YAP1: variants seen among roughly 807,000 people sequenced by gnomAD.
The protein encoded by YAP1 is transcriptional coactivator YAP1.
Under a neutral mutation model 56.9 loss-of-function variants are expected in YAP1, and 5 were observed. The observed-to-expected ratio is 0.09, with a 90% CI of 0.05 to 0.18. The LOEUF (loss-of-function observed/expected upper bound fraction) is 0.18, where lower values mean the gene tolerates loss of function less well. YAP1 is among the 10% of genes least tolerant of loss of function. The probability of loss-of-function intolerance (pLI) is 1.00; values close to 1 mark genes in which losing one functional copy is unlikely to be tolerated. For synonymous variants in YAP1, 265 were observed against 248.1 expected (o/e 1.07, Z -0.64); for missense variants, 539 against 651.8 (o/e 0.83, Z 1.88).
chr11:102,120,273 C>T lies in YAP1; in HGVS notation c.572+5879C>T, dbSNP rs1490849399. On this transcript the variant is annotated intron_variant, in intron 2 of 8. Coordinates refer to ENST00000282441, the MANE Select transcript of YAP1 (RefSeq NM_001130145.3). ...GCAAACAAAGAAGTTTGGTTTAAAT[C>T]ACAGCAGTCCTCCCCACCTCCCCTT... Among the ~76,000 whole-genome samples, 4 of 152,198 alleles carry T rather than the reference C, an allele frequency of 2.6e-5. No individual in the cohort carries two copies. In the East Asian group the frequency reaches 7.7e-4, roughly 29 times the overall value.
chr11:102,228,516 TC>T (rs1950305815), intron 8 of YAP1, among the ~76,000 whole-genome samples: 1 of 150,990 alleles, frequency 6.6e-6, no homozygotes, highest in Non-Finnish European at 1.5e-5. Context: ...GCACCTGTAA[TC>T]CCAGCTACTC....
chr11:102,192,886 C>T (rs1050442836), intron 4 of YAP1, among the ~76,000 whole-genome samples: 5 of 152,124 alleles, frequency 3.3e-5, no homozygotes, highest in African/African-American at 1.2e-4. Context: ...AAAGATAAGC[C>T]TTATCACATG....
intron 4 of YAP1, among the ~76,000 whole-genome samples, chr11:102,197,307 A>G (rs1442408273): frequency 6.6e-6 from 1 of 152,206 alleles, no homozygotes; most frequent in African/African-American, 2.4e-5. Context: ...TAATGTTTTA[A>G]TAGCTTAAGA....
intron 5 of YAP1, among the ~76,000 whole-genome samples, chr11:102,207,000 G>T (rs1164801880): frequency 1.3e-5 from 2 of 151,884 alleles, no homozygotes; most frequent in Admixed American, 1.3e-4. Context: ...AGGTACTGTT[G>T]GTTTTTATGT....
chr11:102,171,575 AAACTT>A (rs1373256080), intron 3 of YAP1, among the ~76,000 whole-genome samples: 1 of 152,202 alleles, frequency 6.6e-6, no homozygotes, highest in Non-Finnish European at 1.5e-5. Context: ...TTTAATAAAT[AAACTT>A]AGTAAACTAA....
intron 2 of YAP1, among the ~76,000 whole-genome samples, chr11:102,126,216 G>GT (rs1944027235): frequency 6.6e-6 from 1 of 152,154 alleles, no homozygotes; most frequent in Non-Finnish European, 1.5e-5. Flanking sequence ...ACTATAGGAA[G>GT]TTGCCAATTT....
intron 7 of YAP1, chr11:102,226,982 T>C (rs539834201): frequency 6.5e-6 from 1 of 154,106 alleles, no homozygotes; most frequent in Non-Finnish European, 1.4e-5. Flanking sequence ...TAGCTAGGAA[T>C]TTAACTTGAG....
At chr11:102,209,464 G>A in intron 5 of YAP1, 53 bp from the exon 6 acceptor site, 1 of 1,516,362 alleles carries the variant, frequency 6.6e-7, no homozygotes, top group South Asian at 1.2e-5. Context: ...AGCCTACACA[G>A]CCAGACCATG....
intron 6 of YAP1, 30 bp downstream of exon 6, chr11:102,209,594 GAAA>G (rs35731181): frequency 2.2e-3 from 2,936 of 1,306,932 alleles, no homozygotes; most frequent in South Asian, 4.9e-3. Flanking sequence ...TTTAGCACTG[GAAA>G]AAAAAAAAAA....
At chr11:102,172,475 CGTTTTTTTT>C (rs1390616047) in intron 3 of YAP1, among the ~76,000 whole-genome samples, 1 of 106,216 alleles carries the variant, frequency 9.4e-6, no homozygotes, top group Non-Finnish European at 1.9e-5. Flanking sequence ...CCATGCACAG[CGTTTTTTTT>C]TTTTTTTTTT....
intron 4 of YAP1, among the ~76,000 whole-genome samples, chr11:102,204,756 G>A (rs1430728467): frequency 6.6e-6 from 1 of 152,180 alleles, no homozygotes; most frequent in African/African-American, 2.4e-5. Context: ...AGATTGGCCT[G>A]TAATTTTCCT....
chr11:102,200,601 C>T (rs368203468), intron 4 of YAP1, among the ~76,000 whole-genome samples: 51 of 151,454 alleles, frequency 3.4e-4, no homozygotes, highest in East Asian at 2.5e-3. Flanking sequence ...CCTGCCACCA[C>T]GCCCAGCTAA....
At chr11:102,126,461 A>T (rs1944041282) in intron 2 of YAP1, among the ~76,000 whole-genome samples, 1 of 152,040 alleles carries the variant, frequency 6.6e-6, no homozygotes, top group Admixed American at 6.6e-5. Flanking sequence ...GTCTCATGAG[A>T]TCTAATGGGT....
intron 2 of YAP1, among the ~76,000 whole-genome samples, chr11:102,131,530 G>T (rs1452874205): frequency 6.6e-6 from 1 of 152,194 alleles, no homozygotes; most frequent in Admixed American, 6.5e-5. Flanking sequence ...TCAGCATTAT[G>T]TGTGTAGCTC....
At chr11:102,148,592 TG>T (rs1232944618) in intron 2 of YAP1, among the ~76,000 whole-genome samples, 1 of 152,164 alleles carries the variant, frequency 6.6e-6, no homozygotes, top group Non-Finnish European at 1.5e-5. Flanking sequence ...GGTGTCAACT[TG>T]GGGGTAACCA....
At position 102,151,761 on chromosome 11, in the gene YAP1, G is replaced by A. The variant is rs1981420; in HGVS notation, c.573-10695G>A. On this transcript the variant is annotated intron_variant, in intron 2 of 8. Transcript: ENST00000282441. ...TTAGTGCGGTTTTTTTGGTGGTATG[G>A]AGAGGGTTGGGATTGTGGAGAGAGA... 2.0e-5 allele frequency among the ~76,000 whole-genome samples: 3 copies of A among 152,170 alleles called. No individual in the cohort carries two copies. In the East Asian group the frequency reaches 5.8e-4, roughly 29 times the overall value.
intron 2 of YAP1, among the ~76,000 whole-genome samples, chr11:102,131,005 G>A (rs756140584): frequency 1.3e-5 from 2 of 152,132 alleles, no homozygotes; most frequent in Non-Finnish European, 2.9e-5. Flanking sequence ...GATAAACCAT[G>A]CCCTCTTTGT....
intron 3 of YAP1, among the ~76,000 whole-genome samples, chr11:102,173,234 A>AGTGGT (rs1947023547): frequency 6.6e-6 from 1 of 152,154 alleles, no homozygotes; most frequent in Non-Finnish European, 1.5e-5. Context: ...TGGAACCTCT[A>AGTGGT]ATACCATATT....
chr11:102,152,095 C>T (rs1385739702), intron 2 of YAP1, among the ~76,000 whole-genome samples: 1 of 152,136 alleles, frequency 6.6e-6, no homozygotes, highest in East Asian at 1.9e-4. Context: ...TAGGAAATGC[C>T]CAACACCTGG....
Sources: allele counts gnomAD v4.1 joint callset (sites outside exome capture counted in the v4.1 genomes callset), GRCh38; gene constraint gnomAD v4.1.1; transcripts MANE v1.5; gene names NCBI Gene and HGNC (gene_info 2026-07-23, HGNC 2026-07-21).